The following CEP192 variants were observed in gnomAD, a reference collection of about 807,000 sequenced individuals.
CEP192 encodes centrosomal protein of 192 kDa.
Under a neutral mutation model 271.8 loss-of-function variants are expected in CEP192, and 151 were observed. The ratio of observed to expected loss-of-function variants is 0.56; its 90% CI spans 0.49 to 0.64. The LOEUF (loss-of-function observed/expected upper bound fraction) is 0.64. Among genes scored for constraint, CEP192 ranks in the 30% least tolerant of loss-of-function variants. The pLI is 0.00. For synonymous variants in CEP192, 995 were observed against 1,076.5 expected, an observed-to-expected ratio of 0.92 and a Z score of 1.48; for missense variants, 2,910 against 3,020.5, an observed-to-expected ratio of 0.96 and a Z score of 0.86.
chr18:13,025,839 G>A (rs1050942795), intron 9 of CEP192, among the ~76,000 whole-genome samples: 3 of 151,954 alleles, frequency 2.0e-5, no homozygotes, highest in African/African-American at 4.8e-5. Flanking sequence ...ATACATACAC[G>A]TAAGCATACA....
intron 1 of CEP192, among the ~76,000 whole-genome samples, chr18:12,996,292 C>T (rs890624734): frequency 2.6e-5 from 4 of 151,678 alleles, no homozygotes; most frequent in Non-Finnish European, 4.4e-5. Context: ...AGGGATTGCA[C>T]GTGATGGGGT....
In CEP192 at chr18:13,049,176, T is replaced by C; in HGVS notation, c.2385T>C (p.Ser795=). 1 of 1,613,940 alleles carries C rather than the reference T, an allele frequency of 6.2e-7. No homozygotes were observed. The highest frequency in any genetic ancestry group is 8.5e-7 in the Non-Finnish European group (1 of 1,179,978). The part of the protein sequence containing the change: ...LKKTEVSRYE[S]ALENFSRASM... ...AAACAGAAGTTAGTAGATATGAAAG[T>C]GCATTGGAAAACTTTTCAAGGGCTA... Residue 795 remains serine (S), a synonymous_variant, in exon 16 of 45, where the codon AGT becomes AGC. Transcript: ENST00000506447.
chr18:13,013,012 A>G lies in CEP192; in HGVS notation c.506A>G (p.Asn169Ser), dbSNP rs969252663. Residue 169 changes from asparagine to serine, a missense_variant, in exon 5 of 45, where the codon AAT (asparagine) becomes AGT (serine). Transcript: ENST00000506447. ...IDFHLQSWMN[N>S]KEPKIVVLDA... is the part of the protein sequence containing the mutation. ...TTTCATTTACAGTCATGGATGAATA[A>G]TAAGGAACCCAAGGTAACCTTTTAT... The G allele has an allele frequency of 2.7e-6, 4 of 1,502,084 alleles. No homozygotes were observed. The highest frequency in any genetic ancestry group is 2.7e-6 in the Non-Finnish European group (3 of 1,104,170). The allele number at this position is 1,502,084 out of a possible 1,614,324, so 93.0% of individuals were successfully genotyped here. A position where few individuals can be genotyped will look rare whatever the true frequency, so the allele number is the denominator to read the frequency against.
chr18:13,045,718 G>A (rs1245902147), intron 15 of CEP192, among the ~76,000 whole-genome samples: 2 of 152,162 alleles, frequency 1.3e-5, no homozygotes, highest in African/African-American at 4.8e-5. Context: ...CATAAAATTT[G>A]TTGCATTAAA....
intron 40 of CEP192, among the ~76,000 whole-genome samples, chr18:13,109,842 G>A (rs567354396): frequency 6.6e-6 from 1 of 152,196 alleles, no homozygotes; most frequent in East Asian, 1.9e-4. Flanking sequence ...TACACGAAAA[G>A]CATTTGTCAA....
At chr18:13,017,089 C>G (rs938578484) in intron 6 of CEP192, 99 bp from the exon 7 acceptor site, 3 of 858,380 alleles carry the variant, frequency 3.5e-6, no homozygotes, top group Non-Finnish European at 3.5e-6. Context: ...AAATCTTAGT[C>G]CATTGACTCA....
intron 1 of CEP192, among the ~76,000 whole-genome samples, chr18:12,992,153 A>G (rs1037308468): frequency 4.6e-5 from 7 of 152,078 alleles, no homozygotes; most frequent in Non-Finnish European, 7.4e-5. Flanking sequence ...TGTTTATATG[A>G]CCATATTTCC....
At chr18:13,085,907 G>T (rs569570069) in intron 30 of CEP192, among the ~76,000 whole-genome samples, 5 of 152,016 alleles carry the variant, frequency 3.3e-5, no homozygotes, top group Non-Finnish European at 7.4e-5. Context: ...GAACTTTAAA[G>T]TAGTTTTTTT....
intron 9 of CEP192, among the ~76,000 whole-genome samples, chr18:13,023,277 TATG>T (rs1360834965): frequency 6.6e-5 from 10 of 152,208 alleles, no homozygotes; most frequent in Admixed American, 6.5e-4. Context: ...GGACTTATAG[TATG>T]ATGTTGAAAA....
intron 44 of CEP192, among the ~76,000 whole-genome samples, chr18:13,118,329 C>T (rs1009825205): frequency 3.3e-5 from 5 of 152,150 alleles, no homozygotes; most frequent in African/African-American, 4.8e-5. Flanking sequence ...ATTCCAGAAA[C>T]GTGTTCTATT....
chr18:13,068,033 G>A lies in CEP192; in HGVS notation c.4615-61G>A, dbSNP rs904714234. On this transcript the variant is annotated intron_variant, in intron 22 of 44. Coordinates refer to ENST00000506447, the MANE Select transcript of CEP192 (RefSeq NM_032142.4). ...GAAAGTACATTTTTTTAAGGATTTT[G>A]TTAGCAAACTTAGCATTACACTGTT... 16 of 1,602,408 alleles carry A rather than the reference G, an allele frequency of 1.0e-5. No homozygotes were observed. The East Asian group carries it at 2.7e-4, about 27-fold the overall frequency.
intron 6 of CEP192, among the ~76,000 whole-genome samples, chr18:13,016,223 A>G (rs916801247): frequency 6.6e-6 from 1 of 152,164 alleles, no homozygotes; most frequent in Non-Finnish European, 1.5e-5. Flanking sequence ...TTCTAGAAAA[A>G]GGATGGAGCC....
Position 13,059,083 on chromosome 18 carries a change from T to C in CEP192, c.4259T>C (p.Val1420Ala). ...GAACTTTATGGCTCTTTTTTGAAGGTGGATCTTTCAACATATCGTTGTTTA... is the reference window on the plus strand; with the variant it reads ...GAACTTTATGGCTCTTTTTTGAAGGCGGATCTTTCAACATATCGTTGTTTA... Reference protein sequence around the residue: ...VLSISVNGEKVDLSTYRCLVF... With the variant: ...VLSISVNGEKADLSTYRCLVF... Residue 1420 changes from valine (V) to alanine (A), a missense_variant and splice_region_variant, in exon 21 of 45, where the codon GTG (valine) becomes GCG (alanine). Coordinates refer to ENST00000506447, the MANE Select transcript of CEP192 (RefSeq NM_032142.4). The C allele has an allele frequency of 6.2e-7, 1 of 1,605,804 alleles. No homozygotes were observed.
At chr18:13,067,232 G>A (rs1370011770) in intron 21 of CEP192, among the ~76,000 whole-genome samples, 1 of 152,150 alleles carries the variant, frequency 6.6e-6, no homozygotes, top group Non-Finnish European at 1.5e-5. Flanking sequence ...ACAGGAGGAT[G>A]TGCCTAGGCT....
intron 11 of CEP192, among the ~76,000 whole-genome samples, chr18:13,036,377 A>T (rs2035918217): frequency 6.6e-6 from 1 of 152,012 alleles, no homozygotes; most frequent in Admixed American, 6.5e-5. Context: ...TCATGGACAC[A>T]TGATAGTGGG....
At chr18:13,015,248 T>A in intron 5 of CEP192, 80 bp from the exon 6 acceptor site, 2 of 1,307,200 alleles carry the variant, frequency 1.5e-6, no homozygotes, top group Non-Finnish European at 2.1e-6. Context: ...GAGAACATAT[T>A]TGGTCCTTTT....
rs1363693022 is a variant in CEP192, at chr18:13,030,341, C to T, written c.1391-124C>T. 3 of 814,742 alleles carry T rather than the reference C, an allele frequency of 3.7e-6. No homozygotes were observed. In the East Asian group the frequency reaches 8.3e-5, roughly 22 times the overall value. The allele number at this position is 814,742 out of a possible 1,614,324, so 50.5% of individuals were successfully genotyped here. A position where few individuals can be genotyped will look rare whatever the true frequency, so the allele number is the denominator to read the frequency against. On this transcript the variant is annotated intron_variant, in intron 10 of 44. Transcript: ENST00000506447. ...AATGGGTTTTCCTTTTTCTAACTAG[C>T]TTTGGCAAACTTCAGTACTGTTGAT...
At position 13,095,639 on chromosome 18, in the gene CEP192, A is replaced by G; in HGVS notation, c.6391A>G (p.Thr2131Ala). 1 of 1,614,162 alleles carries G rather than the reference A, an allele frequency of 6.2e-7. No individual in the cohort carries two copies. ...TCAGCTGGCCTCCGAAGAGCCGTGG[A>G]CTGTCCTACCCGAGCACTTGATTCT... ...LDQLASEEPW[T>A]VLPEHLILVA... The change falls in exon 35 of 45, where the codon ACT becomes GCT. Residue 2131 changes from threonine (T) to alanine (A), a missense_variant. Coordinates refer to ENST00000506447, the MANE Select transcript of CEP192 (RefSeq NM_032142.4).
intron 13 of CEP192, 60 bp from the exon 14 acceptor site, chr18:13,040,770 C>G: frequency 7.2e-7 from 1 of 1,379,400 alleles, no homozygotes; most frequent in South Asian, 1.4e-5. Flanking sequence ...ATAAAACAGT[C>G]TAGAATTTCT....
Sources: allele counts gnomAD v4.1 joint callset (sites outside exome capture counted in the v4.1 genomes callset), GRCh38; gene constraint gnomAD v4.1.1; transcripts MANE v1.5; gene names NCBI Gene and HGNC (gene_info 2026-07-23, HGNC 2026-07-21).